Variants in DYM observed in about 807,000 individuals in gnomAD.
DYM encodes dyggve-Melchior-Clausen syndrome protein.
DYM carries 78 observed loss-of-function variants against 93.1 expected under a neutral mutation model. The ratio of observed to expected loss-of-function variants is 0.84; its 90% CI spans 0.70 to 1.01. DYM has a LOEUF of 1.01. Ranked by LOEUF, DYM falls within the 50% of genes least tolerant of loss-of-function variation. The probability of loss-of-function intolerance (pLI) is 0.00; values close to 1 mark genes in which losing one functional copy is unlikely to be tolerated. For missense variants in DYM, 789 were observed against 845.0 expected, an observed-to-expected ratio of 0.93 and a Z score of 0.82; for synonymous variants, 321 against 319.7, an observed-to-expected ratio of 1.00 and a Z score of -0.04.
chr18:49,175,024 G>C (rs1232333087), intron 14 of DYM, among the ~76,000 whole-genome samples: 2 of 152,078 alleles, frequency 1.3e-5, no homozygotes, highest in African/African-American at 4.8e-5. Flanking sequence ...AATAGAAATA[G>C]TAACTTCCCA....
chr18:49,351,064 T>C (rs377050133), intron 6 of DYM, among the ~76,000 whole-genome samples: 3 of 151,736 alleles, frequency 2.0e-5, no homozygotes, highest in East Asian at 1.9e-4. Context: ...AAAGTTGAGA[T>C]AAGAGAGGTT....
At chr18:49,442,434 C>G (rs541427388) in intron 1 of DYM, among the ~76,000 whole-genome samples, 5 of 152,006 alleles carry the variant, frequency 3.3e-5, no homozygotes, top group African/African-American at 1.2e-4. Flanking sequence ...GCCTATAGTT[C>G]CTGCTACTTG....
chr18:49,265,778 CAAAAA>C (rs202068472), intron 11 of DYM, among the ~76,000 whole-genome samples: 2 of 53,132 alleles, frequency 3.8e-5, no homozygotes, highest in African/African-American at 8.2e-5. Flanking sequence ...AACTCCATCT[CAAAAA>C]AAAAAAAAAA....
At chr18:49,448,162 A>T (rs1463717961) in intron 1 of DYM, among the ~76,000 whole-genome samples, 1 of 152,174 alleles carries the variant, frequency 6.6e-6, no homozygotes, top group East Asian at 1.9e-4. Flanking sequence ...GCCTTCAACA[A>T]TTAGGGGTAA....
intron 15 of DYM, among the ~76,000 whole-genome samples, chr18:49,162,905 G>C (rs2087347920): frequency 6.6e-6 from 1 of 152,346 alleles, no homozygotes; most frequent in South Asian, 2.1e-4. Context: ...CTGGATGGTA[G>C]AAAGCAGCAG....
chr18:49,146,681 C>T (rs1179473543), intron 15 of DYM, among the ~76,000 whole-genome samples: 3 of 152,008 alleles, frequency 2.0e-5, no homozygotes, highest in Non-Finnish European at 4.4e-5. Context: ...AACCACTGCT[C>T]AATGAAATAA....
intron 6 of DYM, among the ~76,000 whole-genome samples, chr18:49,339,211 T>G (rs1016114605): frequency 1.3e-5 from 2 of 152,244 alleles, no homozygotes; most frequent in African/African-American, 4.8e-5. Context: ...TTAGAGAACC[T>G]ATGTCCATTC....
intron 1 of DYM, among the ~76,000 whole-genome samples, chr18:49,453,526 A>C (rs369678555): frequency 1.3e-5 from 2 of 151,980 alleles, no homozygotes; most frequent in East Asian, 1.9e-4. Flanking sequence ...CACATCCGAA[A>C]ATCAGAAGGA....
chr18:49,153,211 G>A (rs1476287196), intron 15 of DYM, among the ~76,000 whole-genome samples: 1 of 152,164 alleles, frequency 6.6e-6, no homozygotes, highest in Non-Finnish European at 1.5e-5. Flanking sequence ...AGCAAATCAT[G>A]TCATATACTC....
intron 17 of DYM, among the ~76,000 whole-genome samples, chr18:49,068,022 A>G (rs2076608064): frequency 6.6e-6 from 1 of 152,234 alleles, no homozygotes; most frequent in South Asian, 2.1e-4. Flanking sequence ...AATACATCAT[A>G]AACATCAAGC....
rs546947182 is a variant in DYM at position 49,073,105 on chromosome 18, A to G, written c.2025+24297T>C. 6.6e-5 allele frequency among the ~76,000 whole-genome samples: 10 copies of G among 152,380 alleles called. No homozygotes were observed. In the South Asian group the frequency reaches 1.9e-3, roughly 28 times the overall value. On this transcript the variant is annotated intron_variant, in intron 17 of 17. Coordinates refer to ENST00000675505, the MANE Select transcript of DYM (RefSeq NM_001353214.3). ...AATAAGAGTAAAACATAGTGACTCA[A>G]TCTCAGGGAAGTTATGACAAATAGA...
intron 2 of DYM, among the ~76,000 whole-genome samples, chr18:49,395,669 T>C (rs1316729337): frequency 1.3e-5 from 2 of 149,784 alleles, no homozygotes; most frequent in African/African-American, 4.9e-5. Flanking sequence ...AATAGGTATA[T>C]GAAAAATATA....
intron 8 of DYM, among the ~76,000 whole-genome samples, chr18:49,317,105 T>C (rs1328706146): frequency 6.6e-6 from 1 of 152,234 alleles, no homozygotes; most frequent in African/African-American, 2.4e-5. Flanking sequence ...GTCACAAATG[T>C]AGTACACTAA....
At chr18:49,233,838 T>C (rs1262585469) in intron 13 of DYM, among the ~76,000 whole-genome samples, 1 of 152,000 alleles carries the variant, frequency 6.6e-6, no homozygotes, top group Non-Finnish European at 1.5e-5. Flanking sequence ...CATTAAGAGT[T>C]AGTGCTGGCC....
chr18:49,080,498 TGGCC>T, intron 17 of DYM, among the ~76,000 whole-genome samples: 1 of 131,070 alleles, frequency 7.6e-6, no homozygotes, highest in South Asian at 2.6e-4. Context: ...ACGGGGCGGC[TGGCC>T]GGGCAGAGGG....
At chr18:49,450,325 CTA>C (rs1428458228) in intron 1 of DYM, among the ~76,000 whole-genome samples, 3 of 152,174 alleles carry the variant, frequency 2.0e-5, no homozygotes, top group Non-Finnish European at 4.4e-5. Flanking sequence ...GTGAACTTTC[CTA>C]TGAGGTTTTA....
At chr18:49,079,770 A>G (rs1386926263) in intron 17 of DYM, among the ~76,000 whole-genome samples, 2 of 151,932 alleles carry the variant, frequency 1.3e-5, no homozygotes, top group African/African-American at 4.8e-5. Flanking sequence ...TTATCTTAGT[A>G]CAGAACAAAA....
At chr18:49,162,567 C>T (rs2087295496) in intron 15 of DYM, among the ~76,000 whole-genome samples, 1 of 152,172 alleles carries the variant, frequency 6.6e-6, no homozygotes, top group Admixed American at 6.5e-5. Context: ...TTCAAGGTCC[C>T]ACTTCTCAAT....
At chr18:49,155,135 G>A (rs2086254605) in intron 15 of DYM, among the ~76,000 whole-genome samples, 1 of 152,172 alleles carries the variant, frequency 6.6e-6, no homozygotes, top group Non-Finnish European at 1.5e-5. Flanking sequence ...AAACAAGGTT[G>A]AAGAATATAC....
Sources: allele counts gnomAD v4.1 joint callset (sites outside exome capture counted in the v4.1 genomes callset), GRCh38; gene constraint gnomAD v4.1.1; transcripts MANE v1.5; gene names NCBI Gene and HGNC (gene_info 2026-07-23, HGNC 2026-07-21).